CACNA2D1: variants seen among roughly 807,000 people sequenced by gnomAD.
The protein encoded by CACNA2D1 is calcium voltage-gated channel auxiliary subunit alpha2delta 1, also known as voltage-dependent calcium channel subunit alpha-2/delta-1.
Under a neutral mutation model 171.5 loss-of-function variants are expected in CACNA2D1, and 53 were observed. That is an observed-to-expected ratio of 0.31 (90% CI 0.25 to 0.39). The LOEUF (loss-of-function observed/expected upper bound fraction) is 0.39, where lower values mean the gene tolerates loss of function less well. Among genes scored for constraint, CACNA2D1 ranks in the 10% least tolerant of loss-of-function variants. The pLI, the probability that CACNA2D1 is intolerant of heterozygous loss-of-function variation, is 1.00. For missense variants in CACNA2D1, 903 were observed against 1,299.8 expected, an observed-to-expected ratio of 0.69 and a Z score of 4.69; for synonymous variants, 442 against 443.1, an observed-to-expected ratio of 1.00 and a Z score of 0.03.
At chr7:82,260,554 C>G (rs1004032118) in intron 3 of CACNA2D1, among the ~76,000 whole-genome samples, 11 of 152,294 alleles carry the variant, frequency 7.2e-5, no homozygotes, top group African/African-American at 2.6e-4. Flanking sequence ...ACATCAGCCT[C>G]TCTAGTATCA....
intron 24 of CACNA2D1, among the ~76,000 whole-genome samples, chr7:81,974,900 CA>C: frequency 6.6e-6 from 1 of 151,550 alleles, no homozygotes; most frequent in Admixed American, 6.6e-5. Context: ...AGCATTAGGA[CA>C]AAAACCTAAT....
At chr7:82,435,285 C>T (rs1041407552) in intron 1 of CACNA2D1, among the ~76,000 whole-genome samples, 1 of 152,070 alleles carries the variant, frequency 6.6e-6, no homozygotes, top group African/African-American at 2.4e-5. Context: ...GATCTGCCCA[C>T]CTCGGCCTCC....
intron 3 of CACNA2D1, among the ~76,000 whole-genome samples, chr7:82,211,069 T>G (rs1195483143): frequency 6.6e-6 from 1 of 152,210 alleles, no homozygotes; most frequent in Non-Finnish European, 1.5e-5. Context: ...ATTGTTTATA[T>G]GTTTTCATTT....
chr7:81,997,129 A>G (rs1388559455), intron 19 of CACNA2D1, 50 bp downstream of exon 19: 1 of 1,001,744 alleles, frequency 1.0e-6, no homozygotes, highest in East Asian at 2.4e-5. Context: ...GAATGAGTGC[A>G]TACCAGCATC....
intron 3 of CACNA2D1, among the ~76,000 whole-genome samples, chr7:82,216,906 A>AC (rs1309175681): frequency 1.1e-4 from 17 of 151,700 alleles, no homozygotes; most frequent in African/African-American, 3.9e-4. Context: ...AAAAAAAAAA[A>AC]AAGAAAGCTG....
At chr7:82,058,390 G>A (rs1286607667) in intron 10 of CACNA2D1, among the ~76,000 whole-genome samples, 1 of 152,056 alleles carries the variant, frequency 6.6e-6, no homozygotes, top group Non-Finnish European at 1.5e-5. Context: ...AATCTGCACT[G>A]GATTTAAGAC....
At chr7:82,416,936 C>T (rs546442983) in intron 1 of CACNA2D1, among the ~76,000 whole-genome samples, 39 of 152,176 alleles carry the variant, frequency 2.6e-4, no homozygotes, top group African/African-American at 8.4e-4. Context: ...TCTTAAACTG[C>T]TATTGTGGAA....
intron 6 of CACNA2D1, among the ~76,000 whole-genome samples, chr7:82,112,230 A>C (rs1386408845): frequency 6.6e-6 from 1 of 152,178 alleles, no homozygotes; most frequent in Non-Finnish European, 1.5e-5. Flanking sequence ...ATTTCCTTTA[A>C]ATCATCTGTT....
intron 6 of CACNA2D1, among the ~76,000 whole-genome samples, chr7:82,105,519 A>G (rs1787652409): frequency 6.7e-6 from 1 of 149,912 alleles, no homozygotes; most frequent in South Asian, 2.1e-4. Context: ...CCTCTGACTT[A>G]TAAAAGGTGT....
intron 1 of CACNA2D1, among the ~76,000 whole-genome samples, chr7:82,356,457 G>C (rs187420685): frequency 6.6e-6 from 1 of 151,816 alleles, no homozygotes; most frequent in Non-Finnish European, 1.5e-5. Flanking sequence ...AAATATTCTC[G>C]TCTCTCCACT....
intron 7 of CACNA2D1, among the ~76,000 whole-genome samples, chr7:82,081,753 G>A (rs144948156): frequency 5.9e-5 from 9 of 152,262 alleles, no homozygotes; most frequent in African/African-American, 1.4e-4. Context: ...CGGGTTCACC[G>A]CAGGAGACAC....
intron 3 of CACNA2D1, among the ~76,000 whole-genome samples, chr7:82,180,946 G>A (rs1448613535): frequency 6.8e-6 from 1 of 147,294 alleles, no homozygotes; most frequent in Non-Finnish European, 1.5e-5. Context: ...AGATTGGCTA[G>A]TTTGAAGAAA....
chr7:81,955,918 G>GA lies in CACNA2D1; in HGVS notation c.3159+3356_3159+3357insT, dbSNP rs1352943931. 1.9e-4 allele frequency among the ~76,000 whole-genome samples: 15 copies of GA among 78,552 alleles called. No individual in the cohort carries two copies. In the South Asian group the frequency reaches 3.5e-3, roughly 18 times the overall value. 51.5% of individuals were successfully genotyped at this position (78,552 alleles called of 152,430 possible). A position where few individuals can be genotyped will look rare whatever the true frequency, so the allele number is the denominator to read the frequency against. On this transcript the variant is annotated intron_variant, in intron 38 of 38. Coordinates refer to ENST00000356860, the MANE Select transcript of CACNA2D1 (RefSeq NM_000722.4). ...ATGTTATTTTGGTGGGGGGGGGGGG[G>GA]GGTGGTGGTCTTAGGTTAAAAAGAT...
At chr7:82,093,727 G>A (rs7787880) in intron 6 of CACNA2D1, among the ~76,000 whole-genome samples, 6 of 152,010 alleles carry the variant, frequency 3.9e-5, no homozygotes, top group Admixed American at 2.0e-4. Context: ...CAGAATAGTC[G>A]CACTAAGATT....
chr7:82,179,076 T>C (rs552825836), intron 3 of CACNA2D1, among the ~76,000 whole-genome samples: 5 of 152,282 alleles, frequency 3.3e-5, no homozygotes, highest in African/African-American at 7.2e-5. Flanking sequence ...ACGACAAGCA[T>C]ACATCACCAC....
At chr7:82,379,829 C>A (rs549044930) in intron 1 of CACNA2D1, among the ~76,000 whole-genome samples, 10 of 152,172 alleles carry the variant, frequency 6.6e-5, no homozygotes, top group Non-Finnish European at 1.5e-4. Flanking sequence ...GTACTATTGT[C>A]CTCTCTTCCT....
At chr7:82,149,994 A>ATG (rs903201583) in intron 4 of CACNA2D1, among the ~76,000 whole-genome samples, 3 of 151,212 alleles carry the variant, frequency 2.0e-5, no homozygotes, top group African/African-American at 4.9e-5. Flanking sequence ...GTGTGTGTGC[A>ATG]TGTGTGTGTG....
chr7:82,320,369 G>T (rs1034307325), intron 3 of CACNA2D1, among the ~76,000 whole-genome samples: 7 of 152,090 alleles, frequency 4.6e-5, no homozygotes, highest in Non-Finnish European at 5.9e-5. Flanking sequence ...AAGAATTAAA[G>T]ATTTCTATTT....
At chr7:82,301,359 A>G (rs758299318) in intron 3 of CACNA2D1, among the ~76,000 whole-genome samples, 8 of 152,152 alleles carry the variant, frequency 5.3e-5, no homozygotes, top group Non-Finnish European at 1.0e-4. Context: ...CTCCAACCTC[A>G]GGTGATCCGC....
Sources: allele counts gnomAD v4.1 joint callset (sites outside exome capture counted in the v4.1 genomes callset), GRCh38; gene constraint gnomAD v4.1.1; transcripts MANE v1.5; gene names NCBI Gene and HGNC (gene_info 2026-07-23, HGNC 2026-07-21).